Variants in CDH6 observed in about 807,000 individuals in gnomAD.
CDH6 encodes cadherin-6.
In CDH6, 31 loss-of-function variants were observed where a neutral mutation model predicts 78.0. That is an observed-to-expected ratio of 0.40 (90% CI 0.30 to 0.54). CDH6 has a LOEUF of 0.54. Ranked by LOEUF, CDH6 falls within the 20% of genes least tolerant of loss-of-function variation. The probability of loss-of-function intolerance (pLI) is 0.56; values close to 1 mark genes in which losing one functional copy is unlikely to be tolerated. For missense variants in CDH6, 724 were observed against 975.9 expected (o/e 0.74, Z 3.44); for synonymous variants, 376 against 368.8 (o/e 1.02, Z -0.23).
At chr5:31,198,900 T>G (rs1290057126) in intron 1 of CDH6, among the ~76,000 whole-genome samples, 1 of 152,016 alleles carries the variant, frequency 6.6e-6, no homozygotes, top group Non-Finnish European at 1.5e-5. Flanking sequence ...CTAAGGGAGG[T>G]AACCCTGGGT....
chr5:31,284,702 T>C (rs1362917583), intron 2 of CDH6, among the ~76,000 whole-genome samples: 4 of 152,200 alleles, frequency 2.6e-5, no homozygotes, highest in Non-Finnish European at 5.9e-5. Flanking sequence ...GAGATGTAGC[T>C]ATTCACCTTG....
At chr5:31,318,189 C>T (rs926766479) in intron 11 of CDH6, 4 of 592,470 alleles carry the variant, frequency 6.8e-6, no homozygotes, top group South Asian at 2.1e-5. Flanking sequence ...GGGAATGAAT[C>T]TCGGGGGATT....
At chr5:31,276,147 C>T (rs919661384) in intron 2 of CDH6, among the ~76,000 whole-genome samples, 13 of 152,194 alleles carry the variant, frequency 8.5e-5, no homozygotes, top group African/African-American at 3.1e-4. Context: ...CTAAATACAT[C>T]AGCGTTCTTT....
At position 31,293,946 on chromosome 5, in the gene CDH6, T is replaced by C. The variant is rs780261447; in HGVS notation, c.229-16T>C. ...GCTTGACTTTTACTTTCTTTAATTT[T>C]TTTTTTCTACACTAGTTACATTCAG... On this transcript the variant is annotated splice_polypyrimidine_tract_variant and intron_variant, in intron 2 of 11. Coordinates refer to ENST00000265071, the MANE Select transcript of CDH6 (RefSeq NM_004932.4). 2 of 1,533,936 alleles carry C rather than the reference T, an allele frequency of 1.3e-6. No individual in the cohort carries two copies. The highest frequency in any genetic ancestry group is 4.5e-5 in the East Asian group (2 of 44,106).
chr5:31,207,504 A>T (rs1740563614), intron 1 of CDH6, among the ~76,000 whole-genome samples: 1 of 152,220 alleles, frequency 6.6e-6, no homozygotes, highest in South Asian at 2.1e-4. Context: ...AGTGTGTCAG[A>T]GCCTTTACTT....
intron 1 of CDH6, among the ~76,000 whole-genome samples, chr5:31,199,785 T>C (rs1372224609): frequency 6.8e-6 from 1 of 148,024 alleles, no homozygotes; most frequent in Non-Finnish European, 1.5e-5. Flanking sequence ...ATAATGATAA[T>C]AAATAATAAA....
intron 1 of CDH6, among the ~76,000 whole-genome samples, chr5:31,200,826 G>T (rs1278772597): frequency 6.6e-6 from 1 of 151,912 alleles, no homozygotes; most frequent in East Asian, 1.9e-4. Context: ...TCTTTCTATT[G>T]CCGCCATTCA....
Position 31,197,042 on chromosome 5 carries a change from A to G in CDH6, c.-129+3156A>G, listed in dbSNP as rs929632614. Among the ~76,000 whole-genome samples the G allele has an allele frequency of 2.0e-5, 3 of 152,078 alleles. No homozygotes were observed. In the East Asian group the frequency reaches 5.8e-4, roughly 29 times the overall value. ...CTGTTTCAGAAATCTGTGAACATTCACAAGTTATGCTGAACTAAGGCCATC... is the reference window on the plus strand; with the variant it reads ...CTGTTTCAGAAATCTGTGAACATTCGCAAGTTATGCTGAACTAAGGCCATC... On this transcript the variant is annotated intron_variant, in intron 1 of 11. Transcript: ENST00000265071.
chr5:31,244,817 G>A (rs945440744), intron 1 of CDH6, among the ~76,000 whole-genome samples: 2 of 152,124 alleles, frequency 1.3e-5, no homozygotes, highest in African/African-American at 4.8e-5. Flanking sequence ...CTGGGGCAAG[G>A]TACTTACTAT....
intron 8 of CDH6, among the ~76,000 whole-genome samples, chr5:31,315,347 T>A (rs1012143312): frequency 6.6e-6 from 1 of 152,176 alleles, no homozygotes. Flanking sequence ...TGCTATATAT[T>A]AGGTATTAGA....
At chr5:31,316,017 G>A (rs145871970) in intron 8 of CDH6, among the ~76,000 whole-genome samples, 191 bp from the exon 9 acceptor site, 3 of 152,290 alleles carry the variant, frequency 2.0e-5, no homozygotes, top group African/African-American at 7.2e-5. Flanking sequence ...TCTAACAGGT[G>A]CATCCAACTC....
At chr5:31,221,784 T>C (rs899109504) in intron 1 of CDH6, among the ~76,000 whole-genome samples, 5 of 152,198 alleles carry the variant, frequency 3.3e-5, no homozygotes, top group African/African-American at 1.2e-4. Flanking sequence ...TGATGTGATG[T>C]GGTAGACAAG....
In CDH6 at chr5:31,292,746, AAT is replaced by A. The variant is rs376854148; in HGVS notation, c.229-1201_229-1200del. On this transcript the variant is annotated intron_variant, in intron 2 of 11. Transcript: ENST00000265071. ...AAATTATCTGAAAACCTGCAGACTGAATATATATATATATATGTGCGTGTGTG... is the reference window on the plus strand; with the variant it reads ...AAATTATCTGAAAACCTGCAGACTGAATATATATATATATGTGCGTGTGTG... 5.7e-3 allele frequency among the ~76,000 whole-genome samples: 594 copies of A among 104,186 alleles called. 4 individuals carry two copies. Among genetic ancestry groups the A allele is most frequent in the African/African-American group, 0.02 (527 of 25,952 alleles). 68.4% of individuals were successfully genotyped at this position (104,186 alleles called of 152,430 possible).
intron 2 of CDH6, among the ~76,000 whole-genome samples, chr5:31,285,380 C>T (rs1274849589): frequency 6.6e-6 from 1 of 152,188 alleles, no homozygotes; most frequent in Non-Finnish European, 1.5e-5. Context: ...TTCCCTGATT[C>T]AGTCTTCTCC....
Position 31,322,839 on chromosome 5 carries a change from C to G in CDH6, c.1904C>G (p.Ala635Gly). The stretch of plus-strand genomic sequence containing the variant: ...CCAGTGACAGTGGTGCTGTTTGCAG[C>G]TCTGAGGCGGCAGCGAAAAAAAGAG... ...ILLVTVVLFA[A>G]LRRQRKKEPL... Residue 635 changes from alanine (A) to glycine (G), a missense_variant, in exon 12 of 12, where the codon GCT becomes GGT. Physicochemically the swap from Ala to Gly is moderately conservative, Grantham distance 60. Around this residue, in one of 3 missense-constraint regions of CDH6, gnomAD observed 220 missense variants for 240.6 expected, o/e 0.91. Coordinates refer to ENST00000265071, the MANE Select transcript of CDH6 (RefSeq NM_004932.4). The G allele has an allele frequency of 6.2e-7, 1 of 1,613,750 alleles. No homozygotes were observed. Among genetic ancestry groups the G allele is most frequent in the Non-Finnish European group, 8.5e-7 (1 of 1,179,814 alleles).
intron 2 of CDH6, among the ~76,000 whole-genome samples, chr5:31,293,368 T>C (rs2909568): frequency 0.15 from 22,924 of 152,072 alleles, 3,083 homozygotes; most frequent in African/African-American, 0.36. Flanking sequence ...TTGAATTTCA[T>C]AAATAAATAA....
At chr5:31,320,493 C>G (rs1738452420) in intron 11 of CDH6, among the ~76,000 whole-genome samples, 1 of 152,096 alleles carries the variant, frequency 6.6e-6, no homozygotes, top group Non-Finnish European at 1.5e-5. Context: ...CTTGGAGAGA[C>G]AGTTGGCTTG....
intron 7 of CDH6, among the ~76,000 whole-genome samples, chr5:31,307,858 C>T (rs942084372): frequency 4.6e-5 from 7 of 152,032 alleles, no homozygotes. Context: ...CATTTTTACC[C>T]ACTGCATTAT....
chr5:31,226,404 A>G (rs754095950), intron 1 of CDH6, among the ~76,000 whole-genome samples: 14 of 152,076 alleles, frequency 9.2e-5, no homozygotes, highest in Non-Finnish European at 1.9e-4. Context: ...CAAACTCCTA[A>G]CCTCAGGTGA....
Sources: allele counts gnomAD v4.1 joint callset (sites outside exome capture counted in the v4.1 genomes callset), GRCh38; gene constraint gnomAD v4.1.1; regional missense constraint gnomAD v4.1.1; transcripts MANE v1.5; gene names NCBI Gene and HGNC (gene_info 2026-07-23, HGNC 2026-07-21).